Variants in ARK2N observed in about 807,000 individuals in gnomAD.
The protein encoded by ARK2N is protein ARK2N.
At chr18:46,176,010 C>G in the ARK2N span, among the ~76,000 whole-genome samples, 15 of 152,174 alleles carry the variant, frequency 9.9e-5, no homozygotes, top group African/African-American at 3.4e-4. Flanking sequence ...TAATTCAAAA[C>G]CCATATAGTA....
chr18:46,200,040 C>T, the ARK2N span, among the ~76,000 whole-genome samples: 26 of 151,870 alleles, frequency 1.7e-4, no homozygotes, highest in African/African-American at 6.3e-4. Flanking sequence ...GCATCAGATG[C>T]AGATAGCCTT....
At chr18:46,262,528 CTA>C in the ARK2N span, among the ~76,000 whole-genome samples, 1 of 152,194 alleles carries the variant, frequency 6.6e-6, no homozygotes, top group African/African-American at 2.4e-5. Context: ...CAAGTTTTAA[CTA>C]TTTTTCTTAC....
the ARK2N span, chr18:46,215,824 T>C: frequency 6.6e-7 from 1 of 1,513,546 alleles, no homozygotes; most frequent in South Asian, 1.3e-5. Flanking sequence ...GCTTTCCTGT[T>C]GCATCTTTGA....
chr18:46,201,156 A>AT, the ARK2N span, among the ~76,000 whole-genome samples: 2 of 151,336 alleles, frequency 1.3e-5, no homozygotes, highest in Non-Finnish European at 2.9e-5. Flanking sequence ...TTTTCAAAAT[A>AT]TTTTTTTGTA....
chr18:46,240,035 T>C, the ARK2N span: 1 of 1,614,164 alleles, frequency 6.2e-7, no homozygotes, highest in Non-Finnish European at 8.5e-7. Context: ...CATTATGATA[T>C]GTCTGACACC....
At chr18:46,181,011 C>G in the ARK2N span, among the ~76,000 whole-genome samples, 1 of 152,122 alleles carries the variant, frequency 6.6e-6, no homozygotes, top group Non-Finnish European at 1.5e-5. Context: ...CCTGTAATCC[C>G]AGCACTTTGG....
At chr18:46,265,522 A>G in the ARK2N span, 1 of 152,212 alleles carries the variant, frequency 6.6e-6, no homozygotes, top group Admixed American at 6.5e-5. Context: ...ACTTATTCCT[A>G]GTCCAGCTCC....
the ARK2N span, among the ~76,000 whole-genome samples, chr18:46,233,186 C>T: frequency 1.3e-5 from 2 of 151,940 alleles, no homozygotes; most frequent in Admixed American, 6.6e-5. Context: ...TCCTACTAAA[C>T]TGTCCTATTA....
chr18:46,219,008 C>T, the ARK2N span: 1 of 152,182 alleles, frequency 6.6e-6, no homozygotes, highest in African/African-American at 2.4e-5. Context: ...TGTTTGGGCT[C>T]AGCTTAAAAG....
the ARK2N span, among the ~76,000 whole-genome samples, chr18:46,213,738 C>G: frequency 6.6e-6 from 1 of 151,730 alleles, no homozygotes; most frequent in Admixed American, 6.6e-5. Context: ...GCTCTGTCAC[C>G]CAGGCTGGAA....
the ARK2N span, among the ~76,000 whole-genome samples, chr18:46,199,068 A>T: frequency 6.6e-6 from 1 of 152,210 alleles, no homozygotes; most frequent in African/African-American, 2.4e-5. Context: ...AATTACAGCA[A>T]ATGAGCACGC....
At chr18:46,254,764 C>A in the ARK2N span, among the ~76,000 whole-genome samples, 1 of 152,196 alleles carries the variant, frequency 6.6e-6, no homozygotes, top group Non-Finnish European at 1.5e-5. Flanking sequence ...TCTGAAAAGT[C>A]AATACCTTTG....
At chr18:46,241,763 G>T in the ARK2N span, among the ~76,000 whole-genome samples, 1 of 152,112 alleles carries the variant, frequency 6.6e-6, no homozygotes, top group East Asian at 1.9e-4. Flanking sequence ...CTTTATATCA[G>T]TGGAAAGTAG....
chr18:46,220,771 A>G, the ARK2N span, among the ~76,000 whole-genome samples: 6,554 of 152,256 alleles, frequency 0.043, 365 homozygotes, highest in East Asian at 0.12. Context: ...TTGCTGTTAT[A>G]CGTTCAGGGT....
the ARK2N span, among the ~76,000 whole-genome samples, chr18:46,231,566 CTTTTTTTTTT>C: frequency 9.9e-6 from 1 of 100,782 alleles, no homozygotes; most frequent in Non-Finnish European, 2.0e-5. Flanking sequence ...AGGTTTGGGG[CTTTTTTTTTT>C]TTTTTTTTTT....
At chr18:46,239,765 G>A in the ARK2N span, among the ~76,000 whole-genome samples, 1 of 152,010 alleles carries the variant, frequency 6.6e-6, no homozygotes, top group Admixed American at 6.6e-5. Context: ...GTATAGTCTT[G>A]TCTTCTGTTC....
the ARK2N span, among the ~76,000 whole-genome samples, chr18:46,179,565 T>TA: frequency 6.6e-6 from 1 of 152,022 alleles, no homozygotes; most frequent in Non-Finnish European, 1.5e-5. Flanking sequence ...CAGGGCCTTG[T>TA]AAAAGTAAGG....
the ARK2N span, among the ~76,000 whole-genome samples, chr18:46,257,028 A>G: frequency 1.3e-5 from 2 of 152,212 alleles, no homozygotes; most frequent in Non-Finnish European, 2.9e-5. Flanking sequence ...TGCTTCTGGC[A>G]GGGTTATCAC....
At chr18:46,258,713 A>G in the ARK2N span, among the ~76,000 whole-genome samples, 2 of 152,204 alleles carry the variant, frequency 1.3e-5, no homozygotes, top group African/African-American at 4.8e-5. Flanking sequence ...TAGTAATACA[A>G]TTGATTGGAC....
Sources: gnomAD v4.1 joint callset for allele counts (sites outside exome capture counted in the v4.1 genomes callset) on GRCh38, gnomAD v4.1.1 for gene constraint, MANE v1.5 for transcripts, NCBI Gene and HGNC (gene_info 2026-07-23, HGNC 2026-07-21) for gene names.